Variants in VPS4B observed in about 807,000 individuals in gnomAD.
VPS4B encodes vacuolar protein sorting-associated protein 4B.
A neutral mutation model predicts 56.1 loss-of-function variants in VPS4B; 23 were observed. The observed-to-expected ratio is 0.41, with a 90% CI of 0.30 to 0.58. The LOEUF (loss-of-function observed/expected upper bound fraction) is 0.58, where lower values mean the gene tolerates loss of function less well. Among genes scored for constraint, VPS4B ranks in the 20% least tolerant of loss-of-function variants. The probability of loss-of-function intolerance (pLI) is 0.29; values close to 1 mark genes in which losing one functional copy is unlikely to be tolerated. For missense variants in VPS4B, 372 were observed against 531.9 expected, an observed-to-expected ratio of 0.70 and a Z score of 2.96; for synonymous variants, 177 against 186.0, an observed-to-expected ratio of 0.95 and a Z score of 0.39.
intron 1 of VPS4B, 120 bp from the exon 2 acceptor site, chr18:63,411,698 A>G: frequency 3.5e-6 from 2 of 577,972 alleles, no homozygotes; most frequent in Non-Finnish European, 5.4e-6. Flanking sequence ...GGGCTGTGAA[A>G]GAAAACAAAA....
At chr18:63,410,056 ATACG>A (rs1346313061) in intron 3 of VPS4B, among the ~76,000 whole-genome samples, 1 of 152,188 alleles carries the variant, frequency 6.6e-6, no homozygotes, top group East Asian at 1.9e-4. Context: ...TTCGTGGGCC[ATACG>A]GTCTCCACAC....
At chr18:63,399,989 A>G (rs1409580950) in intron 7 of VPS4B, 59 bp downstream of exon 7, 17 of 1,539,308 alleles carry the variant, frequency 1.1e-5, no homozygotes, top group Non-Finnish European at 1.5e-5. Flanking sequence ...ACTGCACTCC[A>G]GCCTGGGCGA....
At chr18:63,403,207 C>A (rs1038553946) in intron 5 of VPS4B, among the ~76,000 whole-genome samples, 3 of 152,190 alleles carry the variant, frequency 2.0e-5, no homozygotes, top group African/African-American at 4.8e-5. Flanking sequence ...AAAATCATAA[C>A]CATTGCAAAA....
chr18:63,407,576 CTGAAATATTTGTAAT>C, intron 3 of VPS4B, 77 bp from the exon 4 acceptor site: 1 of 1,167,408 alleles, frequency 8.6e-7, no homozygotes, highest in Non-Finnish European at 1.2e-6. Context: ...AAAAATTAAC[CTGAAATATTTGTAAT>C]TTCAGTGGCA....
At chr18:63,416,293 CA>C in intron 1 of VPS4B, 1 of 204,824 alleles carries the variant, frequency 4.9e-6, no homozygotes. Flanking sequence ...GCTCCTCCTG[CA>C]ATAGGTGAAC....
rs185777276 is a variant in VPS4B, at chr18:63,399,221, A to G, written c.872+21T>C. ...TGTTACATCTGCAGTGAGAAATAAG[A>G]TATTTACTATATTATCCTACCTTCG... is the stretch of plus-strand genomic sequence containing the variant. On this transcript the variant is annotated intron_variant, in intron 8 of 10. Transcript: ENST00000238497. 8 of 1,581,580 alleles carry G rather than the reference A, an allele frequency of 5.1e-6. No homozygotes were observed. The Admixed American group carries it at 8.5e-5, about 17-fold the overall frequency.
intron 4 of VPS4B, among the ~76,000 whole-genome samples, chr18:63,405,824 CA>C (rs373876300): frequency 2.4e-4 from 34 of 142,840 alleles, no homozygotes; most frequent in African/African-American, 3.5e-4. Context: ...AACAAACAAA[CA>C]AAAAAAAAAA....
Position 63,390,478 on chromosome 18 carries a change from CAATCACAA to C in VPS4B, c.*489_*496del. 6.5e-6 allele frequency: 1 copy of C among 152,832 alleles called. No homozygotes were observed. Among genetic ancestry groups the C allele is most frequent in the Admixed American group, 6.5e-5 (1 of 15,290 alleles). 9.5% of individuals were successfully genotyped at this position (152,832 alleles called of 1,614,324 possible). A position where few individuals can be genotyped will look rare whatever the true frequency, so the allele number is the denominator to read the frequency against. Reference sequence around the variant, plus strand: ...TCTATAATTCAAAATCTTTCAAACCCAATCACAAAGCTCTTTGCTGTTTTATTGCCCAT... The same window carrying C: ...TCTATAATTCAAAATCTTTCAAACCCAGCTCTTTGCTGTTTTATTGCCCAT... On this transcript the variant is annotated 3_prime_UTR_variant, in exon 11 of 11. Coordinates refer to ENST00000238497, the MANE Select transcript of VPS4B (RefSeq NM_004869.4).
At chr18:63,400,494 A>G (rs1599358528) in intron 6 of VPS4B, 53 bp downstream of exon 6, 1 of 1,533,084 alleles carries the variant, frequency 6.5e-7, no homozygotes, top group Non-Finnish European at 8.9e-7. Context: ...TTAAGGAGTG[A>G]TACAGTAATT....
chr18:63,417,183 A>G lies in VPS4B; in HGVS notation c.27+5050T>C, dbSNP rs540210841. ...ATTCTTAACAATTTCTCTCCACTAG[A>G]TATTTCCATCGACATACAAACAGCC... On this transcript the variant is annotated intron_variant, in intron 1 of 10. Transcript: ENST00000238497. Among the ~76,000 whole-genome samples the G allele has an allele frequency of 7.2e-5, 11 of 152,264 alleles. No individual in the cohort carries two copies. In the South Asian group the frequency reaches 2.3e-3, roughly 32 times the overall value.
chr18:63,411,186 A>G (rs141488119), intron 2 of VPS4B, among the ~76,000 whole-genome samples: 92 of 152,370 alleles, frequency 6.0e-4, no homozygotes, highest in Middle Eastern at 3.4e-3. Context: ...CACGCAATAC[A>G]TATCTGTAAA....
At chr18:63,396,741 G>T in intron 9 of VPS4B, 1 of 337,634 alleles carries the variant, frequency 3.0e-6, no homozygotes, top group Non-Finnish European at 5.5e-6. Context: ...AGTGGCTCAC[G>T]CCTTTGGGAG....
In VPS4B at chr18:63,422,341, C is replaced by G. The variant is rs1916326595; in HGVS notation, c.-82G>C. 7.4e-7 allele frequency: 1 copy of G among 1,353,884 alleles called. No homozygotes were observed. Among genetic ancestry groups the G allele is most frequent in the East Asian group, 2.9e-5 (1 of 34,518 alleles). The allele number at this position is 1,353,884 out of a possible 1,614,324, so 83.9% of individuals were successfully genotyped here. A position where few individuals can be genotyped will look rare whatever the true frequency, so the allele number is the denominator to read the frequency against. ...CAACGTCGAAGCGCGCACGGGGTAA[C>G]AGCCCTCAAACTGGGGAGGCCGGTG... On this transcript the variant is annotated 5_prime_UTR_variant, in exon 1 of 11. Transcript: ENST00000238497.
In VPS4B at chr18:63,410,356, T is replaced by C; in HGVS notation, c.230A>G (p.Lys77Arg). The C allele has an allele frequency of 6.2e-7, 1 of 1,614,108 alleles. No homozygotes were observed. The highest frequency in any genetic ancestry group is 8.5e-7 in the Non-Finnish European group (1 of 1,180,036). ...DRAEKLKEYLKNKEKKAQKPV... is the reference protein window; with the variant it reads ...DRAEKLKEYLRNKEKKAQKPV... ...CTTCTGTGCTTTTTTCTCTTTATTTTTCAGGTACTCCTTTAGTTTTTCTGC... is the reference window on the plus strand; with the variant it reads ...CTTCTGTGCTTTTTTCTCTTTATTTCTCAGGTACTCCTTTAGTTTTTCTGC... Residue 77 changes from lysine to arginine, a missense_variant, in exon 3 of 11, where the codon AAA (lysine) becomes AGA (arginine). Coordinates refer to ENST00000238497, the MANE Select transcript of VPS4B (RefSeq NM_004869.4).
At chr18:63,413,520 C>T (rs1916092805) in intron 1 of VPS4B, among the ~76,000 whole-genome samples, 1 of 136,822 alleles carries the variant, frequency 7.3e-6, no homozygotes, top group East Asian at 2.1e-4. Context: ...GCCTGGGCAA[C>T]AGAGTGAGAC....
In VPS4B at chr18:63,399,724, G is replaced by A. The variant is rs926741208; in HGVS notation, c.790+324C>T. On this transcript the variant is annotated intron_variant, in intron 7 of 10. Transcript: ENST00000238497. ...ATAATTACAATTGAGTAAAAATTATGTATGCATATGGAAGACAATTGGAAT... is the reference window on the plus strand; with the variant it reads ...ATAATTACAATTGAGTAAAAATTATATATGCATATGGAAGACAATTGGAAT... 7.9e-5 allele frequency among the ~76,000 whole-genome samples: 12 copies of A among 151,778 alleles called. No individual in the cohort carries two copies. The East Asian group carries it at 1.8e-3, about 22-fold the overall frequency.
At chr18:63,394,775 C>T (rs1338896151) in intron 9 of VPS4B, among the ~76,000 whole-genome samples, 2 of 152,136 alleles carry the variant, frequency 1.3e-5, no homozygotes, top group Admixed American at 1.3e-4. Flanking sequence ...AACTTGGGGG[C>T]ACTTTCACAT....
At chr18:63,406,457 A>G (rs1915919364) in intron 4 of VPS4B, among the ~76,000 whole-genome samples, 1 of 152,270 alleles carries the variant, frequency 6.6e-6, no homozygotes, top group Non-Finnish European at 1.5e-5. Flanking sequence ...CTATTCAGTA[A>G]CCAAGGCTGA....
intron 1 of VPS4B, among the ~76,000 whole-genome samples, chr18:63,415,050 T>C (rs957705280): frequency 6.6e-6 from 1 of 152,220 alleles, no homozygotes; most frequent in African/African-American, 2.4e-5. Context: ...ATGCAGCCAC[T>C]GTACTGGGTG....
Sources: allele counts gnomAD v4.1 joint callset (sites outside exome capture counted in the v4.1 genomes callset), GRCh38; gene constraint gnomAD v4.1.1; transcripts MANE v1.5; gene names NCBI Gene and HGNC (gene_info 2026-07-23, HGNC 2026-07-21).